The following GPC6 variants were observed in gnomAD, a reference collection of about 807,000 sequenced individuals.
GPC6 encodes glypican-6.
GPC6 carries 14 observed loss-of-function variants against 55.2 expected under a neutral mutation model. The observed-to-expected ratio is 0.25, with a 90% CI of 0.17 to 0.40. GPC6 has a LOEUF of 0.40. Ranked by LOEUF, GPC6 falls within the 10% of genes least tolerant of loss-of-function variation. The pLI, the probability that GPC6 is intolerant of heterozygous loss-of-function variation, is 1.00. For missense variants in GPC6, 641 were observed against 708.5 expected (o/e 0.90, Z 1.08); for synonymous variants, 278 against 259.6 (o/e 1.07, Z -0.68).
At chr13:94,095,592 T>C (rs1048867226) in intron 4 of GPC6, among the ~76,000 whole-genome samples, 1 of 152,194 alleles carries the variant, frequency 6.6e-6, no homozygotes, top group African/African-American at 2.4e-5. Flanking sequence ...ACCAGCCACA[T>C]TTCAAGTGAT....
chr13:93,221,543 T>G, the GPC6 span, among the ~76,000 whole-genome samples: 1 of 152,204 alleles, frequency 6.6e-6, no homozygotes, highest in African/African-American at 2.4e-5. Flanking sequence ...GCCCTAAAGA[T>G]ATAATTTTAA....
intron 2 of GPC6, among the ~76,000 whole-genome samples, chr13:93,687,791 T>TGATTACATA (rs5805818): frequency 6.6e-6 from 1 of 151,314 alleles, no homozygotes; most frequent in South Asian, 2.1e-4. Context: ...GAGAAGGGAC[T>TGATTACATA]GAATGCATTG....
chr13:94,404,890 G>A lies in GPC6; in HGVS notation c.*1673G>A, dbSNP rs893915867. 6.6e-6 allele frequency: 1 copy of A among 152,118 alleles called. No individual in the cohort carries two copies. The highest frequency in any genetic ancestry group is 2.4e-5 in the African/African-American group (1 of 41,402). 9.4% of individuals were successfully genotyped at this position (152,118 alleles called of 1,614,324 possible). A position where few individuals can be genotyped will look rare whatever the true frequency, so the allele number is the denominator to read the frequency against. ...GAGAAGCAAAATAAACCCAACTGGG[G>A]GCTTTATGAATACAGTTGGCTATCC... On this transcript the variant is annotated 3_prime_UTR_variant, in exon 9 of 9. Transcript: ENST00000377047.
At chr13:94,067,415 A>G (rs1284890016) in intron 4 of GPC6, among the ~76,000 whole-genome samples, 1 of 152,050 alleles carries the variant, frequency 6.6e-6, no homozygotes, top group Non-Finnish European at 1.5e-5. Flanking sequence ...TCTTTTTATT[A>G]TGCCGTATTC....
At chr13:93,791,420 T>TAG (rs763102407) in intron 2 of GPC6, among the ~76,000 whole-genome samples, 100 of 152,342 alleles carry the variant, frequency 6.6e-4, no homozygotes, top group Admixed American at 1.7e-3. Context: ...AAATAGTATG[T>TAG]AGGCCATTTT....
At chr13:93,526,823 G>A (rs1376881578) in intron 1 of GPC6, among the ~76,000 whole-genome samples, 1 of 152,084 alleles carries the variant, frequency 6.6e-6, no homozygotes, top group Non-Finnish European at 1.5e-5. Flanking sequence ...GATTTAATCA[G>A]ATTGTTATTT....
intron 4 of GPC6, among the ~76,000 whole-genome samples, chr13:94,103,604 T>A (rs1267822634): frequency 6.6e-6 from 1 of 152,216 alleles, no homozygotes; most frequent in Admixed American, 6.5e-5. Context: ...GGTATCTCAT[T>A]GTGGTTTTGA....
intron 1 of GPC6, among the ~76,000 whole-genome samples, chr13:93,428,852 CA>C (rs1247514527): frequency 1.8e-4 from 28 of 152,232 alleles, no homozygotes; most frequent in African/African-American, 5.8e-4. Flanking sequence ...AATGTGAATA[CA>C]AAAACTATTC....
chr13:93,467,722 C>T (rs1188603221), intron 1 of GPC6, among the ~76,000 whole-genome samples: 3 of 151,688 alleles, frequency 2.0e-5, no homozygotes, highest in Non-Finnish European at 4.4e-5. Flanking sequence ...GTTGTTGGGA[C>T]CACCGGCATG....
chr13:93,960,331 C>T (rs1879708706), intron 3 of GPC6, among the ~76,000 whole-genome samples: 1 of 152,186 alleles, frequency 6.6e-6, no homozygotes, highest in African/African-American at 2.4e-5. Context: ...TATATCATTC[C>T]CTGGAATCCT....
chr13:93,303,401 G>T (rs1285845538), intron 1 of GPC6, among the ~76,000 whole-genome samples: 3 of 152,150 alleles, frequency 2.0e-5, no homozygotes, highest in Non-Finnish European at 4.4e-5. Context: ...TAGGACAGTA[G>T]CTGACAAAAT....
intron 4 of GPC6, among the ~76,000 whole-genome samples, chr13:94,109,944 T>C (rs1178862639): frequency 6.6e-6 from 1 of 151,830 alleles, no homozygotes; most frequent in Non-Finnish European, 1.5e-5. Flanking sequence ...ATCATGTGCT[T>C]GATGGATATA....
intron 2 of GPC6, among the ~76,000 whole-genome samples, chr13:93,778,259 T>C (rs1338765053): frequency 2.0e-5 from 3 of 152,174 alleles, no homozygotes; most frequent in African/African-American, 7.2e-5. Flanking sequence ...TTGACAGATT[T>C]TTTTTCTCTT....
chr13:93,732,924 G>T (rs796760110), intron 2 of GPC6, among the ~76,000 whole-genome samples: 21 of 149,044 alleles, frequency 1.4e-4, no homozygotes, highest in African/African-American at 5.1e-4. Context: ...ATTTTACGTT[G>T]TTTTTTTTCT....
chr13:93,530,478 G>A (rs1038839313), intron 1 of GPC6, among the ~76,000 whole-genome samples: 5 of 152,010 alleles, frequency 3.3e-5, no homozygotes, highest in Non-Finnish European at 5.9e-5. Context: ...GTGGAAATGC[G>A]GACTCTCTTG....
chr13:93,691,532 A>AT (rs1424453921), intron 2 of GPC6, among the ~76,000 whole-genome samples: 4 of 151,276 alleles, frequency 2.6e-5, no homozygotes, highest in African/African-American at 9.7e-5. Flanking sequence ...CGCTAATCTG[A>AT]TAAAAGAGTT....
chr13:94,125,040 C>A (rs1490857220), intron 4 of GPC6, among the ~76,000 whole-genome samples: 1 of 152,042 alleles, frequency 6.6e-6, no homozygotes, highest in Admixed American at 6.6e-5. Context: ...AAGAATCTCT[C>A]CTAACAGTAT....
chr13:94,055,668 T>A (rs1423220508), intron 4 of GPC6, among the ~76,000 whole-genome samples: 2 of 152,180 alleles, frequency 1.3e-5, no homozygotes, highest in African/African-American at 4.8e-5. Flanking sequence ...AATTGTTGGA[T>A]GTAGTCAAAT....
rs1030226761 is a variant in GPC6 at position 93,553,373 on chromosome 13, T to G, written c.319+7952T>G. 5.9e-5 allele frequency among the ~76,000 whole-genome samples: 9 copies of G among 152,186 alleles called. No individual in the cohort carries two copies. In the East Asian group the frequency reaches 9.7e-4, roughly 16 times the overall value. Reference sequence around the variant, plus strand: ...CTGAAAGGATATAACCATGTCCTGATGGAATACTGCGATGGGCAGGTAGAA... The same window carrying G: ...CTGAAAGGATATAACCATGTCCTGAGGGAATACTGCGATGGGCAGGTAGAA... On this transcript the variant is annotated intron_variant, in intron 2 of 8. Transcript: ENST00000377047.
Sources: allele counts gnomAD v4.1 joint callset (sites outside exome capture counted in the v4.1 genomes callset), GRCh38; gene constraint gnomAD v4.1.1; transcripts MANE v1.5; gene names NCBI Gene and HGNC (gene_info 2026-07-23, HGNC 2026-07-21).